The following CPQ variants were observed in gnomAD, a reference collection of about 807,000 sequenced individuals.
CPQ encodes the protein carboxypeptidase Q.
A neutral mutation model predicts 45.7 loss-of-function variants in CPQ; 37 were observed. The observed-to-expected ratio is 0.81, with a 90% CI of 0.62 to 1.07. CPQ has a LOEUF of 1.07. Among genes scored for constraint, CPQ ranks in the 50% least tolerant of loss-of-function variants. CPQ has a pLI of 0.00. For synonymous variants in CPQ, 186 were observed against 205.8 expected, an observed-to-expected ratio of 0.90 and a Z score of 0.82; for missense variants, 537 against 572.9, an observed-to-expected ratio of 0.94 and a Z score of 0.64.
At chr8:96,998,566 T>G (rs1809215473) in intron 5 of CPQ, among the ~76,000 whole-genome samples, 1 of 151,908 alleles carries the variant, frequency 6.6e-6, no homozygotes, top group Admixed American at 6.6e-5. Context: ...AAGATGTGAG[T>G]ATTCATATTC....
chr8:96,945,862 G>C (rs993279108), intron 4 of CPQ, among the ~76,000 whole-genome samples: 4 of 152,130 alleles, frequency 2.6e-5, no homozygotes, highest in African/African-American at 9.7e-5. Flanking sequence ...CACACTATTA[G>C]TTTGCTTTCA....
chr8:96,660,784 C>T (rs1339979344), intron 1 of CPQ, among the ~76,000 whole-genome samples: 1 of 152,110 alleles, frequency 6.6e-6, no homozygotes, highest in Non-Finnish European at 1.5e-5. Context: ...TCTCTTCCTA[C>T]CATACCTATG....
intron 1 of CPQ, among the ~76,000 whole-genome samples, chr8:96,777,971 G>A (rs200504285): frequency 9.3e-4 from 139 of 150,240 alleles, no homozygotes; most frequent in African/African-American, 2.7e-3. Context: ...TTTGTGATCC[G>A]CATGCCTTGG....
chr8:96,836,602 T>C (rs750366960), intron 3 of CPQ, among the ~76,000 whole-genome samples: 1 of 152,146 alleles, frequency 6.6e-6, no homozygotes, highest in Non-Finnish European at 1.5e-5. Context: ...CATCACCCCT[T>C]GGAATAACAT....
intron 6 of CPQ, chr8:97,056,381 G>A (rs542099976): frequency 6.6e-6 from 1 of 152,252 alleles, no homozygotes; most frequent in South Asian, 2.1e-4. Flanking sequence ...GTCTGTTTCT[G>A]AGCACCCCAA....
intron 3 of CPQ, among the ~76,000 whole-genome samples, chr8:96,850,563 T>TTGTTA (rs1554572902): frequency 7.7e-4 from 113 of 146,954 alleles, no homozygotes; most frequent in Middle Eastern, 7.1e-3. Context: ...CTGATTTTTA[T>TTGTTA]TTTTATTTTA....
At chr8:96,728,679 T>G (rs1809873842) in intron 1 of CPQ, among the ~76,000 whole-genome samples, 1 of 152,126 alleles carries the variant, frequency 6.6e-6, no homozygotes, top group Admixed American at 6.6e-5. Context: ...TCACACAACT[T>G]TTTCTGTTGC....
chr8:96,732,270 A>G, intron 1 of CPQ: 1 of 152,202 alleles, frequency 6.6e-6, no homozygotes, highest in African/African-American at 2.4e-5. Context: ...TGTTCTCTGC[A>G]CATCTCCAAC....
At chr8:96,917,633 G>A (rs1358654307) in intron 4 of CPQ, among the ~76,000 whole-genome samples, 1 of 152,114 alleles carries the variant, frequency 6.6e-6, no homozygotes, top group Non-Finnish European at 1.5e-5. Context: ...CACCTAGAGT[G>A]TCATTGCTTC....
chr8:96,907,115 A>C (rs1046552637), intron 4 of CPQ, among the ~76,000 whole-genome samples: 1 of 152,160 alleles, frequency 6.6e-6, no homozygotes, highest in Non-Finnish European at 1.5e-5. Flanking sequence ...ATTAGGGTAA[A>C]GTATAGCTGC....
chr8:96,645,755 G>A (rs915375547), intron 1 of CPQ, among the ~76,000 whole-genome samples: 1 of 151,110 alleles, frequency 6.6e-6, no homozygotes, highest in Admixed American at 6.6e-5. Context: ...GCCCCAAGCC[G>A]CCCCCTTCAT....
intron 1 of CPQ, among the ~76,000 whole-genome samples, chr8:96,674,699 C>A (rs1372854704): frequency 2.0e-5 from 3 of 152,086 alleles, no homozygotes; most frequent in African/African-American, 7.2e-5. Flanking sequence ...TCCCTTCATA[C>A]CCTGATGCAG....
intron 6 of CPQ, among the ~76,000 whole-genome samples, chr8:97,058,600 T>C (rs982722239): frequency 2.0e-5 from 3 of 152,122 alleles, no homozygotes; most frequent in Non-Finnish European, 2.9e-5. Flanking sequence ...GACTGACAGA[T>C]AACCTGTTAG....
intron 5 of CPQ, among the ~76,000 whole-genome samples, chr8:96,968,213 C>T (rs1813604068): frequency 6.6e-6 from 1 of 152,138 alleles, no homozygotes; most frequent in African/African-American, 2.4e-5. Context: ...GATAGAAACC[C>T]AGTGACCCCT....
chr8:96,921,171 A>G (rs1812801455), intron 4 of CPQ, among the ~76,000 whole-genome samples: 1 of 152,128 alleles, frequency 6.6e-6, no homozygotes, highest in Non-Finnish European at 1.5e-5. Context: ...AACCTGGGCT[A>G]TTTGATTTCA....
chr8:97,139,699 A>C (rs1055515759), intron 7 of CPQ, among the ~76,000 whole-genome samples: 16 of 152,136 alleles, frequency 1.1e-4, no homozygotes, highest in Non-Finnish European at 2.1e-4. Context: ...AATTGTCATG[A>C]AACTACTAAT....
At chr8:96,673,244 A>T (rs1243796543) in intron 1 of CPQ, among the ~76,000 whole-genome samples, 1 of 152,178 alleles carries the variant, frequency 6.6e-6, no homozygotes, top group East Asian at 1.9e-4. Flanking sequence ...CCACAGAATG[A>T]GAGTGGACTT....
intron 7 of CPQ, among the ~76,000 whole-genome samples, chr8:97,087,291 C>T (rs922066528): frequency 3.3e-5 from 5 of 152,104 alleles, no homozygotes; most frequent in South Asian, 4.1e-4. Flanking sequence ...ACAAATTACG[C>T]GGGACAGAAG....
intron 1 of CPQ, among the ~76,000 whole-genome samples, chr8:96,698,319 C>T (rs1388684208): frequency 6.6e-6 from 1 of 152,036 alleles, no homozygotes; most frequent in African/African-American, 2.4e-5. Flanking sequence ...AACTAGACCC[C>T]CATCTTTCAT....
Sources: allele counts gnomAD v4.1 joint callset (sites outside exome capture counted in the v4.1 genomes callset), GRCh38; gene constraint gnomAD v4.1.1; transcripts MANE v1.5; gene names NCBI Gene and HGNC (gene_info 2026-07-23, HGNC 2026-07-21).